The following ATP2B2 variants were observed in gnomAD, a reference collection of about 807,000 sequenced individuals.
The protein encoded by ATP2B2 is ATPase plasma membrane Ca2+ transporting 2, also known as plasma membrane calcium-transporting ATPase 2.
In ATP2B2, 15 loss-of-function variants were observed where a neutral mutation model predicts 120.0. That is an observed-to-expected ratio of 0.12 (90% CI 0.08 to 0.19). ATP2B2 has a LOEUF of 0.19. Among genes scored for constraint, ATP2B2 ranks in the 10% least tolerant of loss-of-function variants. The pLI, the probability that ATP2B2 is intolerant of heterozygous loss-of-function variation, is 1.00. For missense variants in ATP2B2, 1,045 were observed against 1,719.8 expected (o/e 0.61, Z 6.94); for synonymous variants, 694 against 700.3 (o/e 0.99, Z 0.14).
At chr3:10,585,997 A>T (rs2068502470) in intron 2 of ATP2B2, among the ~76,000 whole-genome samples, 1 of 152,124 alleles carries the variant, frequency 6.6e-6, no homozygotes, top group African/African-American at 2.4e-5. Context: ...GTTTTCAATA[A>T]CAGTTTCTGA....
chr3:10,486,931 T>C (rs2065702078), intron 1 of ATP2B2, among the ~76,000 whole-genome samples: 1 of 152,134 alleles, frequency 6.6e-6, no homozygotes, highest in Admixed American at 6.5e-5. Context: ...CTACTAAATG[T>C]AGGCCAGGCT....
At chr3:10,495,451 G>A (rs941694191) in intron 1 of ATP2B2, among the ~76,000 whole-genome samples, 16 of 152,170 alleles carry the variant, frequency 1.1e-4, no homozygotes, top group African/African-American at 3.6e-4. Context: ...GGATCCAGTC[G>A]CAGTGGTGAG....
At chr3:10,592,986 A>C (rs1055187352) in intron 2 of ATP2B2, among the ~76,000 whole-genome samples, 10 of 152,076 alleles carry the variant, frequency 6.6e-5, no homozygotes, top group African/African-American at 2.4e-4. Flanking sequence ...AGGTTTTTCC[A>C]TGTTGCCCAG....
At chr3:10,398,574 CTG>C in intron 5 of ATP2B2, among the ~76,000 whole-genome samples, 1 of 152,362 alleles carries the variant, frequency 6.6e-6, no homozygotes, top group African/African-American at 2.4e-5. Flanking sequence ...GGAATGCCTT[CTG>C]TCTGTCCCCA....
chr3:10,563,891 A>C (rs2125534098), intron 2 of ATP2B2, among the ~76,000 whole-genome samples: 3 of 152,342 alleles, frequency 2.0e-5, no homozygotes, highest in Middle Eastern at 6.8e-3. Flanking sequence ...ACACACAGCA[A>C]CTTGTCCAAG....
At chr3:10,626,731 T>C (rs2125632388) in intron 1 of ATP2B2, 1 of 152,286 alleles carries the variant, frequency 6.6e-6, no homozygotes, top group African/African-American at 2.4e-5. Context: ...ATAATTTGGC[T>C]GATGACTTAG....
rs192661202 is a variant in ATP2B2 at position 10,645,793 on chromosome 3, T to C, written c.-459-25832A>G. Among the ~76,000 whole-genome samples, 170 of 152,308 alleles carry C rather than the reference T, an allele frequency of 1.1e-3. 2 individuals carry two copies. The highest frequency in any genetic ancestry group is 3.8e-3 in the African/African-American group (158 of 41,558). On this transcript the variant is annotated intron_variant, in intron 1 of 21. Coordinates refer to the ATP2B2 transcript ENST00000646379. ...TGGTTAGTTCCAGCTGGGGTGATAATTGGGTTCCCTTTCATTCTCAAATGT... is the reference window on the plus strand; with the variant it reads ...TGGTTAGTTCCAGCTGGGGTGATAACTGGGTTCCCTTTCATTCTCAAATGT...
upstream of ATP2B2, chr3:10,708,076 C>A: frequency 6.9e-6 from 1 of 144,318 alleles, no homozygotes; most frequent in South Asian, 1.8e-4. Flanking sequence ...GCCCGCCTCC[C>A]TCCCTCCGCC....
At chr3:10,338,042 T>C (rs2060173026) in intron 22 of ATP2B2, 134 bp downstream of exon 22, 3 of 1,158,850 alleles carry the variant, frequency 2.6e-6, no homozygotes, top group Admixed American at 2.2e-5. Context: ...TGGTGAGAGC[T>C]GGCCGGGACC....
At chr3:10,474,814 T>C (rs537355289) in intron 1 of ATP2B2, among the ~76,000 whole-genome samples, 26 of 152,370 alleles carry the variant, frequency 1.7e-4, no homozygotes, top group African/African-American at 5.5e-4. Context: ...AAGCTTTCTC[T>C]AACCTCCTGG....
At chr3:10,636,038 C>T (rs572831682) in intron 1 of ATP2B2, among the ~76,000 whole-genome samples, 2 of 152,342 alleles carry the variant, frequency 1.3e-5, no homozygotes, top group African/African-American at 4.8e-5. Context: ...AGACCTCTTA[C>T]ACTTAAACTT....
At chr3:10,687,590 G>A (rs939416680) in intron 1 of ATP2B2, among the ~76,000 whole-genome samples, 6 of 152,194 alleles carry the variant, frequency 3.9e-5, no homozygotes, top group Non-Finnish European at 7.3e-5. Context: ...CCCAGATGAG[G>A]TGGCTCATGC....
chr3:10,623,200 G>A lies in ATP2B2; in HGVS notation c.-459-3239C>T, dbSNP rs548761179. Among the ~76,000 whole-genome samples the A allele has an allele frequency of 9.2e-5, 14 of 151,982 alleles. No individual in the cohort carries two copies. The South Asian group carries it at 2.9e-3, about 32-fold the overall frequency. The stretch of plus-strand genomic sequence containing the variant: ...GCCTCAGCCTCCTGAGTAGCTGGGA[G>A]TACAGGCACATACCACCACACCCAG... On this transcript the variant is annotated intron_variant, in intron 1 of 21. Transcript: ENST00000646379.
chr3:10,557,488 G>T (rs371550867), intron 2 of ATP2B2, among the ~76,000 whole-genome samples: 5 of 152,316 alleles, frequency 3.3e-5, no homozygotes, highest in African/African-American at 1.2e-4. Flanking sequence ...AGCCGATGCA[G>T]GAAAGGTGGA....
At chr3:10,509,155 C>T (rs1010910600), upstream of ATP2B2, among the ~76,000 whole-genome samples, 2 of 152,034 alleles carry the variant, frequency 1.3e-5, no homozygotes, top group African/African-American at 4.8e-5. Flanking sequence ...GCTCTCTGCA[C>T]GAAGGCAATA....
chr3:10,552,213 A>C (rs1465162807), intron 2 of ATP2B2, among the ~76,000 whole-genome samples: 1 of 152,200 alleles, frequency 6.6e-6, no homozygotes, highest in East Asian at 1.9e-4. Context: ...GGGAAACCAC[A>C]TAGGCATCAC....
At chr3:10,561,216 A>G (rs1374814039) in intron 2 of ATP2B2, among the ~76,000 whole-genome samples, 3 of 152,196 alleles carry the variant, frequency 2.0e-5, no homozygotes, top group African/African-American at 7.2e-5. Context: ...ATACGATTAC[A>G]CCCTCAGAAC....
chr3:10,422,927 T>C (rs140851206), intron 2 of ATP2B2, among the ~76,000 whole-genome samples: 65 of 152,276 alleles, frequency 4.3e-4, no homozygotes, highest in African/African-American at 1.4e-3. Flanking sequence ...TTTACTAAAC[T>C]TCTCCACTCA....
chr3:10,612,035 T>C (rs2069253553), intron 2 of ATP2B2, among the ~76,000 whole-genome samples: 1 of 152,212 alleles, frequency 6.6e-6, no homozygotes, highest in Admixed American at 6.5e-5. Flanking sequence ...TTCTAGAGTA[T>C]GGATGGTGAC....
Sources: gnomAD v4.1 joint callset for allele counts (sites outside exome capture counted in the v4.1 genomes callset) on GRCh38, gnomAD v4.1.1 for gene constraint, MANE v1.5 for transcripts, NCBI Gene and HGNC (gene_info 2026-07-23, HGNC 2026-07-21) for gene names.